Variants in GRM5 observed in about 807,000 individuals in gnomAD.
GRM5 encodes glutamate metabotropic receptor 5.
Under a neutral mutation model 83.1 loss-of-function variants are expected in GRM5, and 19 were observed. The observed-to-expected ratio is 0.23, with a 90% CI of 0.16 to 0.34. The LOEUF is 0.34. GRM5 is among the 10% of genes least tolerant of loss of function. GRM5 has a pLI of 1.00. For missense variants in GRM5, 1,160 were observed against 1,588.3 expected, an observed-to-expected ratio of 0.73 and a Z score of 4.58; for synonymous variants, 675 against 633.6, an observed-to-expected ratio of 1.07 and a Z score of -0.98.
At chr11:88,796,379 C>A (rs1943273725) in intron 3 of GRM5, among the ~76,000 whole-genome samples, 1 of 152,058 alleles carries the variant, frequency 6.6e-6, no homozygotes, top group South Asian at 2.1e-4. Context: ...AATAAAAGAT[C>A]CTTAATAATG....
chr11:88,687,923 C>A (rs939420748), intron 3 of GRM5, among the ~76,000 whole-genome samples: 1 of 152,010 alleles, frequency 6.6e-6, no homozygotes, highest in Non-Finnish European at 1.5e-5. Context: ...TGCAATCTTC[C>A]TTCCGCCCTA....
chr11:88,707,752 G>T (rs1314339601), intron 3 of GRM5, among the ~76,000 whole-genome samples: 1 of 152,000 alleles, frequency 6.6e-6, no homozygotes, highest in African/African-American at 2.4e-5. Flanking sequence ...AGTTCTTTAG[G>T]ATTATTTGGA....
intron 2 of GRM5, among the ~76,000 whole-genome samples, chr11:88,997,686 T>C (rs1208304158): frequency 1.3e-5 from 2 of 152,084 alleles, no homozygotes; most frequent in East Asian, 1.9e-4. Flanking sequence ...TACAAACACA[T>C]ACTTGAAAAC....
intron 8 of GRM5, among the ~76,000 whole-genome samples, chr11:88,544,571 G>A (rs147453902): frequency 4.6e-5 from 7 of 152,264 alleles, no homozygotes; most frequent in African/African-American, 1.7e-4. Flanking sequence ...CCCTCTAGGG[G>A]GCCTTGTTCA....
chr11:88,882,770 G>T (rs1944981705), intron 2 of GRM5, among the ~76,000 whole-genome samples: 1 of 152,008 alleles, frequency 6.6e-6, no homozygotes, highest in Non-Finnish European at 1.5e-5. Flanking sequence ...ATATGACAAG[G>T]TTTGGCTGTG....
intron 3 of GRM5, among the ~76,000 whole-genome samples, chr11:88,823,555 G>A (rs1943839502): frequency 6.6e-6 from 1 of 151,698 alleles, no homozygotes; most frequent in Non-Finnish European, 1.5e-5. Context: ...GACTGTGTCT[G>A]TGAGTGGGAC....
At chr11:88,701,269 G>T (rs1434861879) in intron 3 of GRM5, among the ~76,000 whole-genome samples, 12 of 152,114 alleles carry the variant, frequency 7.9e-5, no homozygotes, top group Admixed American at 7.2e-4. Context: ...AATCACTGGG[G>T]TGTCTTTTGG....
chr11:88,601,641 C>A (rs1041165283), intron 5 of GRM5, among the ~76,000 whole-genome samples: 1 of 152,132 alleles, frequency 6.6e-6, no homozygotes, highest in African/African-American at 2.4e-5. Context: ...ACAAACCCCA[C>A]AATATAATGT....
chr11:89,032,852 T>C (rs1218279907), intron 2 of GRM5, among the ~76,000 whole-genome samples: 1 of 152,078 alleles, frequency 6.6e-6, no homozygotes, highest in Non-Finnish European at 1.5e-5. Context: ...GATCTGTCCC[T>C]TCCAGATCTG....
intron 9 of GRM5, among the ~76,000 whole-genome samples, chr11:88,510,939 A>G (rs1340076707): frequency 6.6e-6 from 1 of 152,222 alleles, no homozygotes; most frequent in Non-Finnish European, 1.5e-5. Flanking sequence ...TGACCAACAG[A>G]TAGCCTTGAG....
At chr11:88,787,139 GTGTGTGTGT>G (rs1943088600) in intron 3 of GRM5, among the ~76,000 whole-genome samples, 1 of 68,432 alleles carries the variant, frequency 1.5e-5, no homozygotes, top group Non-Finnish European at 3.9e-5. Context: ...TGATGTGTGT[GTGTGTGTGT>G]GTGTGTGTGT....
rs59939060 is a variant in GRM5, at chr11:88,924,134, C to CA, written c.662-73980dup. Among the ~76,000 whole-genome samples the CA allele has an allele frequency of 5.2e-3, 758 of 146,898 alleles. 3 individuals are homozygous for CA. The highest frequency in any genetic ancestry group is 0.011 in the African/African-American group (450 of 39,874). The stretch of plus-strand genomic sequence containing the variant: ...TCACACCTGTTAGTATAGCTATAAT[C>CA]AAAAAAAAAAAATAAGAAATAATCA... On this transcript the variant is annotated intron_variant, in intron 2 of 9. Coordinates refer to ENST00000305447, the MANE Select transcript of GRM5 (RefSeq NM_001143831.3).
chr11:88,792,433 G>A (rs1174524632), intron 3 of GRM5, among the ~76,000 whole-genome samples: 2 of 152,056 alleles, frequency 1.3e-5, no homozygotes, highest in African/African-American at 2.4e-5. Context: ...GTAATGTGGT[G>A]ACCAAGAAAA....
At chr11:88,798,666 G>C (rs1417403438) in intron 3 of GRM5, among the ~76,000 whole-genome samples, 1 of 151,866 alleles carries the variant, frequency 6.6e-6, no homozygotes, top group East Asian at 1.9e-4. Flanking sequence ...AAAGCCTGTG[G>C]TGTTGTAAAA....
At chr11:88,660,526 T>C (rs960863502) in intron 3 of GRM5, among the ~76,000 whole-genome samples, 2 of 152,178 alleles carry the variant, frequency 1.3e-5, no homozygotes, top group Admixed American at 6.6e-5. Flanking sequence ...AAGTACATTC[T>C]GTACCCAAAG....
intron 2 of GRM5, among the ~76,000 whole-genome samples, chr11:89,002,399 G>T (rs1447307528): frequency 6.6e-6 from 1 of 152,098 alleles, no homozygotes; most frequent in Non-Finnish European, 1.5e-5. Flanking sequence ...CTGTTTGGGA[G>T]CTCTGGCTTC....
At chr11:88,925,365 A>G (rs1051300524) in intron 2 of GRM5, among the ~76,000 whole-genome samples, 5 of 151,908 alleles carry the variant, frequency 3.3e-5, no homozygotes, top group African/African-American at 1.2e-4. Flanking sequence ...TTCATCTCCC[A>G]AAGTCCCACC....
intron 3 of GRM5, among the ~76,000 whole-genome samples, chr11:88,840,244 C>A (rs1250550073): frequency 6.6e-6 from 1 of 152,074 alleles, no homozygotes; most frequent in Non-Finnish European, 1.5e-5. Flanking sequence ...TAGAAAGGAT[C>A]ATGTCATAAA....
intron 3 of GRM5, among the ~76,000 whole-genome samples, chr11:88,669,815 T>C (rs907433388): frequency 3.6e-4 from 55 of 152,044 alleles, no homozygotes; most frequent in African/African-American, 1.3e-3. Context: ...TATTCATAAA[T>C]TGGATGAATG....
Sources: allele counts gnomAD v4.1 joint callset (sites outside exome capture counted in the v4.1 genomes callset), GRCh38; gene constraint gnomAD v4.1.1; transcripts MANE v1.5; gene names NCBI Gene and HGNC (gene_info 2026-07-23, HGNC 2026-07-21).